ABTB3: variants seen among roughly 807,000 people sequenced by gnomAD.
The protein encoded by ABTB3 is ankyrin repeat and BTB domain containing 3.
chr12:107,518,182 C>T, the ABTB3 span, among the ~76,000 whole-genome samples: 1 of 152,102 alleles, frequency 6.6e-6, no homozygotes, highest in Non-Finnish European at 1.5e-5. Context: ...ACTAGTTCAA[C>T]CATTGTGGAA....
the ABTB3 span, among the ~76,000 whole-genome samples, chr12:107,570,408 T>C: frequency 6.6e-6 from 1 of 152,192 alleles, no homozygotes; most frequent in Middle Eastern, 3.4e-3. Context: ...GGAGATGGTG[T>C]TTCTCCATGT....
At chr12:107,645,815 G>T in the ABTB3 span, among the ~76,000 whole-genome samples, 1 of 151,590 alleles carries the variant, frequency 6.6e-6, no homozygotes, top group African/African-American at 2.4e-5. Flanking sequence ...TGCTTTTGAC[G>T]GGGGAAGGTT....
chr12:107,468,778 G>A, the ABTB3 span, among the ~76,000 whole-genome samples: 32 of 152,152 alleles, frequency 2.1e-4, 1 homozygote, highest in Middle Eastern at 3.4e-3. Flanking sequence ...TGATGATGTC[G>A]AGTGCTATGA....
chr12:107,403,382 A>G, the ABTB3 span, among the ~76,000 whole-genome samples: 1 of 152,138 alleles, frequency 6.6e-6, no homozygotes, highest in Admixed American at 6.5e-5. Flanking sequence ...TCCAGAATCC[A>G]TAGGAAGCTT....
the ABTB3 span, among the ~76,000 whole-genome samples, chr12:107,623,763 A>C: frequency 6.6e-6 from 1 of 152,244 alleles, no homozygotes; most frequent in Non-Finnish European, 1.5e-5. Context: ...GTGATGGGAC[A>C]GACATGTTCT....
At chr12:107,473,713 T>C in the ABTB3 span, among the ~76,000 whole-genome samples, 9 of 152,220 alleles carry the variant, frequency 5.9e-5, no homozygotes, top group Non-Finnish European at 8.8e-5. Context: ...GTTTGATTCA[T>C]CCATGTTGTG....
the ABTB3 span, among the ~76,000 whole-genome samples, chr12:107,639,129 T>C: frequency 1.3e-5 from 2 of 152,120 alleles, no homozygotes; most frequent in South Asian, 2.1e-4. Context: ...GCTGGAAGGG[T>C]GCTTTAGGTA....
the ABTB3 span, among the ~76,000 whole-genome samples, chr12:107,503,845 G>A: frequency 6.6e-6 from 1 of 151,818 alleles, no homozygotes; most frequent in East Asian, 1.9e-4. Context: ...GAGGAGGGAA[G>A]AAAATGTCCA....
the ABTB3 span, among the ~76,000 whole-genome samples, chr12:107,411,802 T>A: frequency 0.029 from 4,433 of 152,260 alleles, 215 homozygotes; most frequent in African/African-American, 0.097. Context: ...CTATACCCTG[T>A]GAGCTCTCCA....
At chr12:107,623,475 T>G in the ABTB3 span, among the ~76,000 whole-genome samples, 2 of 150,102 alleles carry the variant, frequency 1.3e-5, no homozygotes, top group Admixed American at 6.7e-5. Context: ...CAAGCGATTC[T>G]CATGTCTCAG....
chr12:107,452,914 A>C, the ABTB3 span, among the ~76,000 whole-genome samples: 1 of 152,202 alleles, frequency 6.6e-6, no homozygotes, highest in Non-Finnish European at 1.5e-5. Flanking sequence ...ACAAGTTGTA[A>C]CAAGTGATGG....
the ABTB3 span, among the ~76,000 whole-genome samples, chr12:107,499,267 C>A: frequency 1.3e-5 from 2 of 151,708 alleles, no homozygotes; most frequent in African/African-American, 2.4e-5. Context: ...AAGAAATGAC[C>A]CTGGGCAAAA....
At chr12:107,537,726 C>A in the ABTB3 span, among the ~76,000 whole-genome samples, 1 of 152,280 alleles carries the variant, frequency 6.6e-6, no homozygotes, top group Admixed American at 6.5e-5. Flanking sequence ...CAGTGGAGGC[C>A]AAGTCTACCT....
chr12:107,422,789 C>T, the ABTB3 span, among the ~76,000 whole-genome samples: 5 of 152,218 alleles, frequency 3.3e-5, no homozygotes, highest in South Asian at 1.0e-3. Flanking sequence ...GCTCCTGTAA[C>T]TGAACAGTCA....
chr12:107,502,897 G>T, the ABTB3 span, among the ~76,000 whole-genome samples: 15 of 152,300 alleles, frequency 9.8e-5, no homozygotes, highest in Middle Eastern at 3.4e-3. Flanking sequence ...CCACAAAACC[G>T]GTCCCTGTTG....
the ABTB3 span, among the ~76,000 whole-genome samples, chr12:107,439,573 C>G: frequency 6.6e-6 from 1 of 152,202 alleles, no homozygotes; most frequent in East Asian, 1.9e-4. Flanking sequence ...CCCTGCCCTT[C>G]TCAGCTTCCC....
chr12:107,322,957 G>T, the ABTB3 span, among the ~76,000 whole-genome samples: 1 of 152,140 alleles, frequency 6.6e-6, no homozygotes, highest in Non-Finnish European at 1.5e-5. Context: ...AAATGGAACT[G>T]GGCAGAACTG....
the ABTB3 span, among the ~76,000 whole-genome samples, chr12:107,608,458 C>A: frequency 1.3e-5 from 2 of 152,144 alleles, no homozygotes; most frequent in African/African-American, 4.8e-5. Context: ...AAGTTTATGC[C>A]CCAGAAACAG....
At chr12:107,395,688 G>A in the ABTB3 span, among the ~76,000 whole-genome samples, 2 of 152,174 alleles carry the variant, frequency 1.3e-5, no homozygotes, top group African/African-American at 4.8e-5. Context: ...CTCCCCAGGT[G>A]CTGTAAGAGT....
Sources: allele counts gnomAD v4.1 joint callset (sites outside exome capture counted in the v4.1 genomes callset), GRCh38; gene constraint gnomAD v4.1.1; transcripts MANE v1.5; gene names NCBI Gene and HGNC (gene_info 2026-07-23, HGNC 2026-07-21).